Variants in STARD13 observed in about 807,000 individuals in gnomAD.
STARD13 encodes the protein StAR related lipid transfer domain containing 13.
A neutral mutation model predicts 106.4 loss-of-function variants in STARD13; 62 were observed. The ratio of observed to expected loss-of-function variants is 0.58; its 90% CI spans 0.48 to 0.72. STARD13 has a LOEUF of 0.72. Among genes scored for constraint, STARD13 ranks in the 30% least tolerant of loss-of-function variants. The probability of loss-of-function intolerance (pLI) is 0.00; values close to 1 mark genes in which losing one functional copy is unlikely to be tolerated. For synonymous variants in STARD13, 565 were observed against 553.0 expected (o/e 1.02, Z -0.31); for missense variants, 1,387 against 1,424.0 (o/e 0.97, Z 0.42).
At chr13:33,346,101 T>A (rs1217953316), downstream of STARD13, among the ~76,000 whole-genome samples, 1 of 152,166 alleles carries the variant, frequency 6.6e-6, no homozygotes, top group Non-Finnish European at 1.5e-5. Context: ...TTCTCTCAGA[T>A]CTCTGCCATA....
chr13:33,294,801 C>G (rs1207511217), intron 1 of STARD13, among the ~76,000 whole-genome samples: 2 of 152,142 alleles, frequency 1.3e-5, no homozygotes, highest in African/African-American at 2.4e-5. Flanking sequence ...TCTTGAACAA[C>G]AGTGAATATA....
At chr13:33,128,524 G>A (rs1307201921) in intron 5 of STARD13, among the ~76,000 whole-genome samples, 2 of 152,102 alleles carry the variant, frequency 1.3e-5, no homozygotes, top group African/African-American at 4.8e-5. Context: ...ATTTCTTATA[G>A]GAGCAAAAAA....
At chr13:33,428,686 C>G in the STARD13 span, among the ~76,000 whole-genome samples, 1 of 152,080 alleles carries the variant, frequency 6.6e-6, no homozygotes, top group East Asian at 1.9e-4. Flanking sequence ...AAGCTTCTGA[C>G]AGCAAAGGAT....
intron 1 of STARD13, among the ~76,000 whole-genome samples, chr13:33,299,180 G>A (rs535584678): frequency 7.9e-5 from 12 of 152,178 alleles, no homozygotes; most frequent in African/African-American, 1.4e-4. Context: ...GCCTAGGTGT[G>A]TTGTAGGATT....
intron 1 of STARD13, among the ~76,000 whole-genome samples, chr13:33,339,543 C>G (rs1298644652): frequency 6.6e-6 from 1 of 152,132 alleles, no homozygotes; most frequent in Non-Finnish European, 1.5e-5. Context: ...AGCTTCCACC[C>G]CTTTCCCACC....
the STARD13 span, among the ~76,000 whole-genome samples, chr13:33,361,025 C>T: frequency 7.0e-6 from 1 of 142,934 alleles, no homozygotes; most frequent in Non-Finnish European, 1.5e-5. Context: ...CCAGGATGAT[C>T]TCGATCTCCT....
the STARD13 span, among the ~76,000 whole-genome samples, chr13:33,609,059 C>T: frequency 1.5e-5 from 2 of 130,626 alleles, no homozygotes; most frequent in Non-Finnish European, 3.1e-5. Context: ...GCACTCCAGC[C>T]TGGGCGACAG....
intron 1 of STARD13, among the ~76,000 whole-genome samples, chr13:33,253,239 A>G (rs1310648586): frequency 1.3e-5 from 2 of 152,350 alleles, no homozygotes; most frequent in South Asian, 2.1e-4. Flanking sequence ...AGACCTCGGT[A>G]GAAAGACAGG....
chr13:33,673,838 A>G, the STARD13 span, among the ~76,000 whole-genome samples: 1 of 151,172 alleles, frequency 6.6e-6, no homozygotes, highest in African/African-American at 2.4e-5. Flanking sequence ...AGCTAGGCCC[A>G]GAATTATTAA....
chr13:33,626,901 G>T, the STARD13 span, among the ~76,000 whole-genome samples: 4 of 152,178 alleles, frequency 2.6e-5, no homozygotes, highest in Non-Finnish European at 5.9e-5. Context: ...GACAAGATTT[G>T]TCCTGCACTA....
chr13:33,670,660 G>A, the STARD13 span, among the ~76,000 whole-genome samples: 11 of 152,168 alleles, frequency 7.2e-5, no homozygotes, highest in South Asian at 1.9e-3. Flanking sequence ...TTTACTAAAC[G>A]TGCATTTATC....
chr13:33,141,806 G>A (rs1393640523), intron 4 of STARD13, among the ~76,000 whole-genome samples: 1 of 151,906 alleles, frequency 6.6e-6, no homozygotes, highest in African/African-American at 2.4e-5. Flanking sequence ...TCTAATAAGG[G>A]GTTGACATTT....
At chr13:33,209,889 CT>C (rs963196945) in intron 1 of STARD13, among the ~76,000 whole-genome samples, 14 of 152,270 alleles carry the variant, frequency 9.2e-5, no homozygotes, top group African/African-American at 3.4e-4. Context: ...GGGAGGATCA[CT>C]TGAGCCTAGG....
At chr13:33,647,351 A>C in the STARD13 span, among the ~76,000 whole-genome samples, 180 of 152,342 alleles carry the variant, frequency 1.2e-3, 2 homozygotes, top group Middle Eastern at 6.8e-3. Flanking sequence ...TTCATTGTAG[A>C]AAAAGCATAT....
chr13:33,416,776 G>C, the STARD13 span, among the ~76,000 whole-genome samples: 4 of 152,038 alleles, frequency 2.6e-5, no homozygotes, highest in Non-Finnish European at 4.4e-5. Context: ...TATGATCTTG[G>C]GTTTAGTTAG....
the STARD13 span, among the ~76,000 whole-genome samples, chr13:33,623,711 A>G: frequency 6.6e-6 from 1 of 152,120 alleles, no homozygotes; most frequent in African/African-American, 2.4e-5. Context: ...CTACATCTAC[A>G]TATTTAATTT....
At chr13:33,648,783 C>CTTTTTTTTTTTTTTTTTTT in the STARD13 span, among the ~76,000 whole-genome samples, 30 of 76,970 alleles carry the variant, frequency 3.9e-4, no homozygotes, top group Non-Finnish European at 5.4e-4. Context: ...TTTTCTCTTT[C>CTTTTTTTTTTTTTTTTTTT]TTTTTTTTTT....
the STARD13 span, among the ~76,000 whole-genome samples, chr13:33,528,574 T>C: frequency 6.6e-6 from 1 of 151,910 alleles, no homozygotes; most frequent in Non-Finnish European, 1.5e-5. Context: ...CACGCAGCCC[T>C]GAGCTAATAT....
the STARD13 span, among the ~76,000 whole-genome samples, chr13:33,618,587 T>C: frequency 1.3e-5 from 2 of 152,024 alleles, no homozygotes; most frequent in South Asian, 4.2e-4. Context: ...ACAAATTAAA[T>C]AAATTGTGAG....
Sources: allele counts gnomAD v4.1 joint callset (sites outside exome capture counted in the v4.1 genomes callset), GRCh38; gene constraint gnomAD v4.1.1; transcripts MANE v1.5; gene names NCBI Gene and HGNC (gene_info 2026-07-23, HGNC 2026-07-21).